CACNA1C: variants seen among roughly 807,000 people sequenced by gnomAD.
CACNA1C encodes voltage-dependent L-type calcium channel subunit alpha-1C.
Under a neutral mutation model 229.0 loss-of-function variants are expected in CACNA1C, and 30 were observed. The ratio of observed to expected loss-of-function variants is 0.13; its 90% CI spans 0.10 to 0.18. CACNA1C has a LOEUF of 0.18. Among genes scored for constraint, CACNA1C ranks in the 10% least tolerant of loss-of-function variants. CACNA1C has a pLI of 1.00. For synonymous variants in CACNA1C, 1,114 were observed against 1,132.5 expected (o/e 0.98, Z 0.33); for missense variants, 1,658 against 2,845.0 (o/e 0.58, Z 9.49).
At chr12:2,196,801 C>T (rs1339531525) in intron 3 of CACNA1C, among the ~76,000 whole-genome samples, 1 of 152,160 alleles carries the variant, frequency 6.6e-6, no homozygotes, top group Non-Finnish European at 1.5e-5. Context: ...AAGCAGCGAC[C>T]AGAGCAGCAG....
chr12:2,084,775 C>T (rs2066945622), intron 1 of CACNA1C, among the ~76,000 whole-genome samples: 2 of 152,198 alleles, frequency 1.3e-5, no homozygotes, highest in South Asian at 4.1e-4. Flanking sequence ...TCGTAGCCTA[C>T]TAAAATCCCT....
At chr12:2,438,848 G>A (rs149694196) in intron 3 of CACNA1C, among the ~76,000 whole-genome samples, 113 of 152,208 alleles carry the variant, frequency 7.4e-4, no homozygotes, top group African/African-American at 2.6e-3. Flanking sequence ...ACAGGATCCT[G>A]TTCCCTGGGC....
intron 29 of CACNA1C, among the ~76,000 whole-genome samples, chr12:2,626,002 G>T (rs946815165): frequency 5.9e-5 from 9 of 152,210 alleles, no homozygotes; most frequent in African/African-American, 2.2e-4. Context: ...AAGTACTCTG[G>T]TTATTCCCAT....
At chr12:2,530,027 A>G (rs1268688460) in intron 9 of CACNA1C, among the ~76,000 whole-genome samples, 1 of 152,254 alleles carries the variant, frequency 6.6e-6, no homozygotes, top group African/African-American at 2.4e-5. Flanking sequence ...CATTTCATTC[A>G]CTGGCTGCAA....
At chr12:2,338,168 A>C (rs1027603338) in intron 3 of CACNA1C, among the ~76,000 whole-genome samples, 1 of 152,090 alleles carries the variant, frequency 6.6e-6, no homozygotes, top group Non-Finnish European at 1.5e-5. Context: ...TGCTGGCTAC[A>C]TGGGGGGAGG....
chr12:2,222,032 A>G (rs1399378259), intron 3 of CACNA1C, among the ~76,000 whole-genome samples: 2 of 152,268 alleles, frequency 1.3e-5, no homozygotes, highest in African/African-American at 4.8e-5. Context: ...CCTGGAAGGT[A>G]TAATAGGTAT....
At chr12:2,028,091 A>G (rs1308085465) in intron 1 of CACNA1C, among the ~76,000 whole-genome samples, 1 of 152,244 alleles carries the variant, frequency 6.6e-6, no homozygotes, top group African/African-American at 2.4e-5. Context: ...GCAGAATATT[A>G]TAAGTTTTCC....
At chr12:2,277,600 T>A (rs1401176979) in intron 3 of CACNA1C, among the ~76,000 whole-genome samples, 6 of 152,134 alleles carry the variant, frequency 3.9e-5, no homozygotes, top group Non-Finnish European at 8.8e-5. Context: ...GCTGCAAAGA[T>A]CTCCAGGAGG....
intron 3 of CACNA1C, among the ~76,000 whole-genome samples, chr12:2,286,349 T>C (rs2092670692): frequency 1.3e-5 from 2 of 152,226 alleles, no homozygotes; most frequent in South Asian, 2.1e-4. Flanking sequence ...TTTGAGAAGA[T>C]GTCTTAGTGG....
chr12:2,458,976 T>C (rs577002657), intron 5 of CACNA1C, among the ~76,000 whole-genome samples: 8 of 135,004 alleles, frequency 5.9e-5, no homozygotes, highest in African/African-American at 1.8e-4. Context: ...GGATTCTTTT[T>C]CTTTCTTTTT....
At chr12:2,223,354 A>G (rs2154352834) in intron 3 of CACNA1C, 1 of 152,352 alleles carries the variant, frequency 6.6e-6, no homozygotes, top group East Asian at 1.9e-4. Flanking sequence ...TGTAGAAAAT[A>G]TAGCACATAC....
At chr12:2,274,243 G>A (rs1006293947) in intron 3 of CACNA1C, among the ~76,000 whole-genome samples, 7 of 152,206 alleles carry the variant, frequency 4.6e-5, no homozygotes, top group East Asian at 1.9e-4. Flanking sequence ...CCTCTCAGAG[G>A]ATATGAGCAC....
chr12:2,599,401 G>A (rs1235318565), intron 21 of CACNA1C, among the ~76,000 whole-genome samples: 3 of 152,210 alleles, frequency 2.0e-5, no homozygotes, highest in Admixed American at 1.3e-4. Context: ...GAAATGTTTG[G>A]CCTTAAAAAG....
At chr12:2,586,418 A>G (rs1438499312) in intron 18 of CACNA1C, among the ~76,000 whole-genome samples, 1 of 152,156 alleles carries the variant, frequency 6.6e-6, no homozygotes, top group Non-Finnish European at 1.5e-5. Flanking sequence ...TTATGCTTCT[A>G]TCTGATACCT....
At chr12:2,510,293 C>T (rs576102291) in intron 8 of CACNA1C, among the ~76,000 whole-genome samples, 1 of 152,184 alleles carries the variant, frequency 6.6e-6, no homozygotes, top group African/African-American at 2.4e-5. Context: ...GGCACTGCCA[C>T]CAGCAGATCC....
intron 3 of CACNA1C, among the ~76,000 whole-genome samples, chr12:2,414,790 C>T (rs199681685): frequency 1.3e-5 from 2 of 152,172 alleles, no homozygotes; most frequent in East Asian, 3.9e-4. Flanking sequence ...GTGGGCAGCC[C>T]TGAGCTGGAG....
intron 43 of CACNA1C, among the ~76,000 whole-genome samples, chr12:2,683,743 G>A (rs935873594): frequency 1.3e-5 from 2 of 152,326 alleles, no homozygotes; most frequent in African/African-American, 2.4e-5. Context: ...CTGAGCTGGA[G>A]GGCAGGCATG....
At chr12:2,434,447 A>G (rs890052305) in intron 3 of CACNA1C, among the ~76,000 whole-genome samples, 6 of 152,222 alleles carry the variant, frequency 3.9e-5, no homozygotes, top group Non-Finnish European at 8.8e-5. Context: ...AACCAAAGAA[A>G]TGGAGACACA....
In CACNA1C at chr12:2,535,996, G is replaced by A. The variant is rs769287681; in HGVS notation, c.1391-13947G>A. ...ACTTCACATAAATGTCATCAATGGC[G>A]GCAGCCTAGAAATTTAAGGCAGCAA... On this transcript the variant is annotated intron_variant, in intron 9 of 46. Transcript: ENST00000399655. 1.1e-4 allele frequency among the ~76,000 whole-genome samples: 17 copies of A among 152,344 alleles called. 1 individual carries two copies. The South Asian group carries it at 1.2e-3, about 11-fold the overall frequency.
Sources: gnomAD v4.1 joint callset for allele counts (sites outside exome capture counted in the v4.1 genomes callset) on GRCh38, gnomAD v4.1.1 for gene constraint, MANE v1.5 for transcripts, NCBI Gene and HGNC (gene_info 2026-07-23, HGNC 2026-07-21) for gene names.